Variants in SYNDIG1 observed in about 807,000 individuals in gnomAD.
SYNDIG1 encodes the protein synapse differentiation inducing 1.
Under a neutral mutation model 19.4 loss-of-function variants are expected in SYNDIG1, and 9 were observed. The observed-to-expected ratio is 0.46, with a 90% CI of 0.28 to 0.81. The LOEUF (loss-of-function observed/expected upper bound fraction) is 0.81, where lower values mean the gene tolerates loss of function less well. Among genes scored for constraint, SYNDIG1 ranks in the 30% least tolerant of loss-of-function variants. The pLI is 0.12. For missense variants in SYNDIG1, 311 were observed against 343.3 expected (o/e 0.91, Z 0.74); for synonymous variants, 141 against 145.9 (o/e 0.97, Z 0.24).
chr20:24,475,960 A>G (rs2055610907), intron 1 of SYNDIG1, among the ~76,000 whole-genome samples: 1 of 151,666 alleles, frequency 6.6e-6, no homozygotes, highest in Non-Finnish European at 1.5e-5. Flanking sequence ...TCCCGGGTTC[A>G]AGCGATTCTT....
At chr20:24,659,046 C>T (rs73100740) in intron 3 of SYNDIG1, among the ~76,000 whole-genome samples, 12,230 of 152,046 alleles carry the variant, frequency 0.08, 561 homozygotes, top group Non-Finnish European at 0.098. Flanking sequence ...CCCTCCTTTC[C>T]TGGGTTACCC....
chr20:24,559,730 G>A (rs149948811), intron 2 of SYNDIG1, among the ~76,000 whole-genome samples: 27 of 152,234 alleles, frequency 1.8e-4, no homozygotes, highest in African/African-American at 6.5e-4. Flanking sequence ...TTTTTGGAGA[G>A]GTTGTTTTGT....
At chr20:24,568,581 T>G (rs952484545) in intron 2 of SYNDIG1, among the ~76,000 whole-genome samples, 5 of 151,804 alleles carry the variant, frequency 3.3e-5, no homozygotes, top group African/African-American at 1.2e-4. Context: ...TTGAGGAGAG[T>G]TTTGAAAAGC....
intron 3 of SYNDIG1, among the ~76,000 whole-genome samples, chr20:24,594,674 C>T (rs752564158): frequency 1.1e-4 from 17 of 152,028 alleles, no homozygotes; most frequent in Non-Finnish European, 1.6e-4. Flanking sequence ...AATATTTTTT[C>T]GGTTGATTGT....
intron 2 of SYNDIG1, among the ~76,000 whole-genome samples, chr20:24,548,496 A>G (rs1343462484): frequency 1.3e-5 from 2 of 152,258 alleles, no homozygotes; most frequent in Non-Finnish European, 2.9e-5. Context: ...AAGTATGGAA[A>G]GAGGGGCGAG....
At chr20:24,561,581 C>T (rs935502472) in intron 2 of SYNDIG1, among the ~76,000 whole-genome samples, 1 of 152,200 alleles carries the variant, frequency 6.6e-6, no homozygotes, top group Non-Finnish European at 1.5e-5. Flanking sequence ...CACAGACTCC[C>T]ACTGTTACTA....
intron 1 of SYNDIG1, among the ~76,000 whole-genome samples, chr20:24,494,122 C>T (rs984026591): frequency 1.3e-5 from 2 of 151,952 alleles, no homozygotes; most frequent in Admixed American, 1.3e-4. Flanking sequence ...GCTTCACCAG[C>T]AAAGTACAGG....
intron 2 of SYNDIG1, among the ~76,000 whole-genome samples, chr20:24,572,889 G>A (rs1436306113): frequency 3.9e-5 from 6 of 152,176 alleles, no homozygotes; most frequent in Non-Finnish European, 7.3e-5. Flanking sequence ...ATCATTCTTG[G>A]TGCTCATAAG....
intron 3 of SYNDIG1, among the ~76,000 whole-genome samples, chr20:24,589,658 A>T (rs958773333): frequency 6.6e-6 from 1 of 152,262 alleles, no homozygotes; most frequent in African/African-American, 2.4e-5. Flanking sequence ...GTGCTGGCAG[A>T]TGTCTTTGCA....
intron 1 of SYNDIG1, among the ~76,000 whole-genome samples, chr20:24,482,369 G>T (rs6049721): frequency 0.024 from 3,641 of 152,214 alleles, 167 homozygotes; most frequent in African/African-American, 0.083. Flanking sequence ...ACGCCCGGCC[G>T]TGCATCTTTA....
intron 3 of SYNDIG1, among the ~76,000 whole-genome samples, chr20:24,618,182 G>T (rs1293444537): frequency 7.2e-6 from 1 of 138,586 alleles, no homozygotes; most frequent in Non-Finnish European, 1.6e-5. Flanking sequence ...AGACCCTGGG[G>T]AAGGGGGAGA....
intron 1 of SYNDIG1, among the ~76,000 whole-genome samples, chr20:24,485,103 C>T (rs919316721): frequency 2.6e-4 from 39 of 152,290 alleles, no homozygotes; most frequent in African/African-American, 9.4e-4. Context: ...AGCACAAAAG[C>T]CCTTACCAGA....
chr20:24,665,431 C>T lies in SYNDIG1; in HGVS notation c.704C>T (p.Thr235Ile). ...CTATTCCTGGCAGTGCTGTCCATCA[C>T]CATTGGGACTGGCGTCTATGTGGGC... The part of the protein sequence containing the change: ...RALFLAVLSI[T>I]IGTGVYVGVA... The change falls in exon 4 of 4, where the codon ACC (threonine) becomes ATC (isoleucine). Residue 235 changes from threonine (T) to isoleucine (I), a missense_variant. Physicochemically the swap from Thr to Ile is moderately conservative, Grantham distance 89. Transcript: ENST00000376862. 1 of 1,613,720 alleles carries T rather than the reference C, an allele frequency of 6.2e-7. No individual in the cohort carries two copies. Among genetic ancestry groups the T allele is most frequent in the Non-Finnish European group, 8.5e-7 (1 of 1,179,858 alleles).
chr20:24,499,642 C>G (rs751034553), intron 1 of SYNDIG1, among the ~76,000 whole-genome samples: 1 of 152,140 alleles, frequency 6.6e-6, no homozygotes, highest in African/African-American at 2.4e-5. Context: ...CTGAGTCGGT[C>G]GGTACCTGTC....
intron 3 of SYNDIG1, among the ~76,000 whole-genome samples, chr20:24,646,406 G>C (rs976336218): frequency 6.6e-6 from 1 of 152,156 alleles, no homozygotes; most frequent in African/African-American, 2.4e-5. Context: ...GGTCAAGGGG[G>C]CAGATCTCTC....
intron 3 of SYNDIG1, among the ~76,000 whole-genome samples, chr20:24,648,523 A>G (rs925488248): frequency 1.7e-4 from 26 of 152,226 alleles, no homozygotes; most frequent in African/African-American, 5.3e-4. Context: ...GCAGCAGGCA[A>G]ATAAAAATCT....
At chr20:24,561,047 C>G (rs1462621056) in intron 2 of SYNDIG1, among the ~76,000 whole-genome samples, 1 of 151,342 alleles carries the variant, frequency 6.6e-6, no homozygotes, top group Non-Finnish European at 1.5e-5. Flanking sequence ...TCCTGGGATT[C>G]ACTTCTGGGT....
At chr20:24,473,879 GT>G (rs1165856005) in intron 1 of SYNDIG1, among the ~76,000 whole-genome samples, 1 of 152,186 alleles carries the variant, frequency 6.6e-6, no homozygotes, top group Non-Finnish European at 1.5e-5. Context: ...AAAGAATATG[GT>G]TGAAAAGAAA....
rs11907122 is a variant in SYNDIG1, at chr20:24,481,815, T to C, written c.-79+12062T>C. On this transcript the variant is annotated intron_variant, in intron 1 of 3. Coordinates refer to ENST00000376862, the MANE Select transcript of SYNDIG1 (RefSeq NM_024893.3). ...GTAGTTGGACTGTAAAGTCAATTTA[T>C]ATCTCCCTATTTCATAAAAAGTTCT... Among the ~76,000 whole-genome samples the C allele has an allele frequency of 2.8e-3, 428 of 152,324 alleles. 3 individuals are homozygous for C. Among genetic ancestry groups the C allele is most frequent in the African/African-American group, 9.8e-3 (409 of 41,576 alleles).
Sources: allele counts gnomAD v4.1 joint callset (sites outside exome capture counted in the v4.1 genomes callset), GRCh38; gene constraint gnomAD v4.1.1; transcripts MANE v1.5; gene names NCBI Gene and HGNC (gene_info 2026-07-23, HGNC 2026-07-21).